NTAQ1: variants seen among roughly 807,000 people sequenced by gnomAD.
NTAQ1 encodes the protein N-terminal glutamine amidase 1, also known as protein N-terminal glutamine amidohydrolase.
A neutral mutation model predicts 28.2 loss-of-function variants in NTAQ1; 21 were observed. That is an observed-to-expected ratio of 0.74 (90% confidence interval 0.53 to 1.07). The LOEUF is 1.07. NTAQ1 is among the 50% of genes least tolerant of loss of function. The pLI is 0.00. For synonymous variants in NTAQ1, 105 were observed against 90.0 expected (o/e 1.17, Z -0.94); for missense variants, 264 against 256.6 (o/e 1.03, Z -0.20).
chr8:123,429,602 C>T (rs112065087), intron 2 of NTAQ1, among the ~76,000 whole-genome samples: 4,157 of 152,136 alleles, frequency 0.027, 213 homozygotes, highest in African/African-American at 0.095. Flanking sequence ...CGGTGGCTCA[C>T]GCCTATAATC....
At chr8:123,418,545 T>C (rs1182835144) in intron 1 of NTAQ1, among the ~76,000 whole-genome samples, 1 of 152,168 alleles carries the variant, frequency 6.6e-6, no homozygotes, top group Non-Finnish European at 1.5e-5. Flanking sequence ...TGGTGACTTA[T>C]CTTCTATTAG....
At chr8:123,447,917 C>T (rs541741867) in intron 6 of NTAQ1, 6 of 152,366 alleles carry the variant, frequency 3.9e-5, no homozygotes, top group Admixed American at 3.3e-4. Context: ...GACTACATTT[C>T]CCATTCTCCT....
chr8:123,462,660 G>A (rs1963958), intron 6 of NTAQ1, among the ~76,000 whole-genome samples: 2,728 of 152,156 alleles, frequency 0.018, 71 homozygotes, highest in African/African-American at 0.061. Context: ...CACAGATTAC[G>A]AAGCGGACAC....
chr8:123,459,557 A>C (rs1211784539), intron 6 of NTAQ1, among the ~76,000 whole-genome samples: 1 of 152,188 alleles, frequency 6.6e-6, no homozygotes, highest in African/African-American at 2.4e-5. Context: ...GGAGCTCACC[A>C]AGAGTCCCCT....
Position 123,440,258 on chromosome 8 carries a change from C to T in NTAQ1, c.509-1048C>T, listed in dbSNP as rs112345361. Among the ~76,000 whole-genome samples the T allele has an allele frequency of 3.5e-3, 486 of 137,560 alleles. 3 individuals carry two copies. The highest frequency in any genetic ancestry group is 0.013 in the African/African-American group (465 of 36,894). 90.2% of individuals were successfully genotyped at this position (137,560 alleles called of 152,430 possible). A position where few individuals can be genotyped will look rare whatever the true frequency, so the allele number is the denominator to read the frequency against. On this transcript the variant is annotated intron_variant, in intron 5 of 5. Transcript: ENST00000287387. Reference sequence around the variant, plus strand: ...ACAACCTCTGCCTCCTGGATTCAAGCGATTCTCCTGCCTCAGCCTCCCAAG... The same window carrying T: ...ACAACCTCTGCCTCCTGGATTCAAGTGATTCTCCTGCCTCAGCCTCCCAAG...
chr8:123,449,032 GTACTCTCT>G (rs1411984341), downstream of NTAQ1, among the ~76,000 whole-genome samples: 6 of 151,770 alleles, frequency 4.0e-5, no homozygotes. Context: ...ACCCTTACCT[GTACTCTCT>G]TACTCTCTTG....
intron 6 of NTAQ1, among the ~76,000 whole-genome samples, chr8:123,453,230 A>G (rs1815555211): frequency 6.6e-6 from 1 of 152,152 alleles, no homozygotes; most frequent in South Asian, 2.1e-4. Flanking sequence ...ATACAGGAAA[A>G]ATAAGTTCAA....
chr8:123,455,232 G>C (rs1380241676), intron 6 of NTAQ1: 1 of 152,204 alleles, frequency 6.6e-6, no homozygotes, highest in Admixed American at 6.6e-5. Flanking sequence ...TGGTGATTGA[G>C]TCCATGCACA....
intron 3 of NTAQ1, among the ~76,000 whole-genome samples, chr8:123,434,858 C>T (rs546623986): frequency 6.6e-6 from 1 of 151,974 alleles, no homozygotes; most frequent in East Asian, 1.9e-4. Flanking sequence ...TGTTTGGGGG[C>T]GTGGAGGATA....
chr8:123,455,421 A>ATT lies in NTAQ1; in HGVS notation c.373-11636_373-11635dup, dbSNP rs925294146. ...ATATCCTCAAACCCCATGCCCAGAA[A>ATT]TTTTTTTTTTTTTTTTTTTTTTTGA... On this transcript the variant is annotated intron_variant, in intron 6 of 6. Coordinates refer to the NTAQ1 transcript ENST00000650311. Among the ~76,000 whole-genome samples the ATT allele has an allele frequency of 3.0e-3, 351 of 115,414 alleles. 2 individuals carry two copies. The highest frequency in any genetic ancestry group is 7.1e-3 in the African/African-American group (208 of 29,096). 75.7% of individuals were successfully genotyped at this position (115,414 alleles called of 152,430 possible). A position where few individuals can be genotyped will look rare whatever the true frequency, so the allele number is the denominator to read the frequency against.
rs925294146 is a variant in NTAQ1, at chr8:123,455,421, A to ATTTTT, written c.373-11639_373-11635dup. 3.6e-3 allele frequency among the ~76,000 whole-genome samples: 419 copies of ATTTTT among 115,446 alleles called. 6 individuals carry two copies. The highest frequency in any genetic ancestry group is 0.013 in the African/African-American group (370 of 29,086). The allele number at this position is 115,446 out of a possible 152,430, so 75.7% of individuals were successfully genotyped here. ...ATATCCTCAAACCCCATGCCCAGAA[A>ATTTTT]TTTTTTTTTTTTTTTTTTTTTTTGA... On this transcript the variant is annotated intron_variant, in intron 6 of 6. Transcript: ENST00000650311.
intron 6 of NTAQ1, among the ~76,000 whole-genome samples, chr8:123,465,925 A>G (rs1181334756): frequency 6.6e-6 from 1 of 152,176 alleles, no homozygotes; most frequent in Non-Finnish European, 1.5e-5. Context: ...TGCCTGTGTC[A>G]GTAGTTCATT....
chr8:123,465,162 A>C (rs1815931115), intron 6 of NTAQ1, among the ~76,000 whole-genome samples: 1 of 152,144 alleles, frequency 6.6e-6, no homozygotes, highest in Admixed American at 6.5e-5. Flanking sequence ...AGTTCCATGT[A>C]CCCTTCATCT....
At chr8:123,464,899 G>A (rs1815924908) in intron 6 of NTAQ1, among the ~76,000 whole-genome samples, 1 of 152,154 alleles carries the variant, frequency 6.6e-6, no homozygotes, top group Non-Finnish European at 1.5e-5. Context: ...TTAGCTGGGT[G>A]TGGTATCATG....
chr8:123,416,747 AC>A (rs1813312546), upstream of NTAQ1: 3 of 1,031,422 alleles, frequency 2.9e-6, no homozygotes, highest in Non-Finnish European at 2.5e-6. Flanking sequence ...GGCTCCGCCC[AC>A]CCCACGCCGG....
downstream of NTAQ1, among the ~76,000 whole-genome samples, chr8:123,471,294 C>T (rs1816038784): frequency 6.6e-6 from 1 of 152,124 alleles, no homozygotes. Flanking sequence ...TCCACTGTGA[C>T]CTCATCTCAA....
At chr8:123,417,392 T>C (rs1389343907) in intron 1 of NTAQ1, among the ~76,000 whole-genome samples, 2 of 152,170 alleles carry the variant, frequency 1.3e-5, no homozygotes, top group African/African-American at 4.8e-5. Flanking sequence ...GTAAACTAAA[T>C]CACTGAGCAT....
At chr8:123,438,215 G>A (rs1432186633) in intron 5 of NTAQ1, 1 of 701,352 alleles carries the variant, frequency 1.4e-6, no homozygotes, top group Non-Finnish European at 2.6e-6. Context: ...GCATTCATAT[G>A]AGTTTGAAGT....
chr8:123,452,381 A>G (rs4871379), downstream of NTAQ1, among the ~76,000 whole-genome samples: 136,966 of 152,258 alleles, frequency 0.9, 61,797 homozygotes, highest in East Asian at 0.99. Flanking sequence ...TGGATCACTT[A>G]AGGTCAGGAG....
Sources: gnomAD v4.1 joint callset for allele counts (sites outside exome capture counted in the v4.1 genomes callset) on GRCh38, gnomAD v4.1.1 for gene constraint, MANE v1.5 for transcripts, NCBI Gene and HGNC (gene_info 2026-07-23, HGNC 2026-07-21) for gene names.